Variants in MRPL48 observed in about 807,000 individuals in gnomAD.
MRPL48 encodes the protein mitochondrial ribosomal protein L48.
In MRPL48, 16 loss-of-function variants were observed where a neutral mutation model predicts 32.9. The ratio of observed to expected loss-of-function variants is 0.49; its 90% CI spans 0.33 to 0.74. The LOEUF is 0.74. Among genes scored for constraint, MRPL48 ranks in the 30% least tolerant of loss-of-function variants. The probability of loss-of-function intolerance (pLI) is 0.02; values close to 1 mark genes in which losing one functional copy is unlikely to be tolerated. For missense variants in MRPL48, 206 were observed against 245.3 expected (o/e 0.84, Z 1.07); for synonymous variants, 94 against 89.2 (o/e 1.05, Z -0.31).
intron 1 of MRPL48, among the ~76,000 whole-genome samples, chr11:73,800,960 C>T (rs1007512208): frequency 3.4e-4 from 51 of 151,846 alleles, no homozygotes; most frequent in African/African-American, 1.0e-3. Context: ...TACAGGCATG[C>T]GCCACCACGC....
intron 2 of MRPL48, among the ~76,000 whole-genome samples, chr11:73,806,109 A>ATT (rs61632908): frequency 6.1e-5 from 9 of 148,564 alleles, no homozygotes; most frequent in African/African-American, 1.5e-4. Flanking sequence ...AAGCAGAGTG[A>ATT]TTTTTTTTTT....
At chr11:73,849,338 T>A (rs145315681) in intron 5 of MRPL48, among the ~76,000 whole-genome samples, 1 of 152,272 alleles carries the variant, frequency 6.6e-6, no homozygotes, top group African/African-American at 2.4e-5. Context: ...GGTTTTGCCA[T>A]GTTGGTCAGG....
chr11:73,856,957 C>T (rs1339097684), intron 5 of MRPL48, among the ~76,000 whole-genome samples: 1 of 152,160 alleles, frequency 6.6e-6, no homozygotes, highest in Non-Finnish European at 1.5e-5. Flanking sequence ...AAGGCCTGTT[C>T]TACATCTTGA....
chr11:73,793,266 T>C (rs1947186300), intron 1 of MRPL48, among the ~76,000 whole-genome samples: 1 of 152,200 alleles, frequency 6.6e-6, no homozygotes. Context: ...GGTTTCTCCA[T>C]GTTGGTCAGG....
In MRPL48 at chr11:73,811,621, C is replaced by T. The variant is rs560195854; in HGVS notation, c.112+3271C>T. Among the ~76,000 whole-genome samples, 6 of 152,238 alleles carry T rather than the reference C, an allele frequency of 3.9e-5. No homozygotes were observed. The East Asian group carries it at 5.8e-4, about 15-fold the overall frequency. ...ACAAAAAGATCTATGTTCAAGTCAT[C>T]ATTATTCTCTAGCCTTGGTCTTATC... is the stretch of plus-strand genomic sequence containing the variant. On this transcript the variant is annotated intron_variant, in intron 3 of 7. Coordinates refer to ENST00000310614, the MANE Select transcript of MRPL48 (RefSeq NM_016055.6).
In MRPL48 at chr11:73,796,961, G is replaced by T. The variant is rs180751087; in HGVS notation, c.22-8066G>T. On this transcript the variant is annotated intron_variant, in intron 1 of 7. Coordinates refer to ENST00000310614, the MANE Select transcript of MRPL48 (RefSeq NM_016055.6). ...GGGCGCCTGTAATCCCAGCTACTTA[G>T]GAGGTCGAGGCAGGAGAATCCCTTG... 2.0e-5 allele frequency among the ~76,000 whole-genome samples: 3 copies of T among 152,294 alleles called. No homozygotes were observed. In the East Asian group the frequency reaches 5.8e-4, roughly 29 times the overall value.
intron 2 of MRPL48, 102 bp from the exon 3 acceptor site, chr11:73,808,211 C>T (rs1162090487): frequency 6.9e-6 from 8 of 1,153,024 alleles, no homozygotes; most frequent in African/African-American, 6.2e-5. Flanking sequence ...AGTAAGGAAA[C>T]AGCATTGATG....
In MRPL48 at chr11:73,825,662, A is replaced by G. The variant is rs189997913; in HGVS notation, c.113-46A>G. 6 of 1,502,006 alleles carry G rather than the reference A, an allele frequency of 4.0e-6. No individual in the cohort carries two copies. In the East Asian group the frequency reaches 1.5e-4, roughly 37 times the overall value. 93.0% of individuals were successfully genotyped at this position (1,502,006 alleles called of 1,614,324 possible). A position where few individuals can be genotyped will look rare whatever the true frequency, so the allele number is the denominator to read the frequency against. On this transcript the variant is annotated intron_variant, in intron 3 of 7. Coordinates refer to ENST00000310614, the MANE Select transcript of MRPL48 (RefSeq NM_016055.6). ...CCCTGTCTCTTAAAAAACAACGATA[A>G]TAGCAACAACAAAAAAACAGGTTTG...
intron 3 of MRPL48, among the ~76,000 whole-genome samples, chr11:73,811,347 A>G (rs1947562598): frequency 6.6e-6 from 1 of 152,142 alleles, no homozygotes; most frequent in Non-Finnish European, 1.5e-5. Context: ...AAGAGTTAGG[A>G]AAAAAATGAC....
At chr11:73,863,629 G>A (rs953894165) in intron 7 of MRPL48, among the ~76,000 whole-genome samples, 2 of 152,192 alleles carry the variant, frequency 1.3e-5, no homozygotes, top group Non-Finnish European at 2.9e-5. Flanking sequence ...TAGAGAAAAG[G>A]TTCCTGGATC....
Position 73,864,410 on chromosome 11 carries a change from G to C in MRPL48, c.*40G>C. ...TTCATGCCAGCAGTGGTCATATTGAGTGCCAAAGAGAAGAGCTTACTGGGT... is the reference window on the plus strand; with the variant it reads ...TTCATGCCAGCAGTGGTCATATTGACTGCCAAAGAGAAGAGCTTACTGGGT... On this transcript the variant is annotated 3_prime_UTR_variant, in exon 8 of 8. Coordinates refer to ENST00000310614, the MANE Select transcript of MRPL48 (RefSeq NM_016055.6). The C allele has an allele frequency of 6.2e-7, 1 of 1,602,298 alleles. No individual in the cohort carries two copies. The highest frequency in any genetic ancestry group is 8.5e-7 in the Non-Finnish European group (1 of 1,171,380).
chr11:73,841,339 T>G (rs1159401137), intron 4 of MRPL48, among the ~76,000 whole-genome samples: 1 of 152,212 alleles, frequency 6.6e-6, no homozygotes, highest in African/African-American at 2.4e-5. Context: ...AGATACATAC[T>G]AGAACATTGG....
intron 2 of MRPL48, 137 bp downstream of exon 2, chr11:73,805,216 C>G: frequency 1.5e-6 from 1 of 664,032 alleles, no homozygotes; most frequent in Non-Finnish European, 2.5e-6. Context: ...TTGCTCCTTC[C>G]CCATTCTCAG....
chr11:73,854,483 C>T (rs1274871100), intron 5 of MRPL48, among the ~76,000 whole-genome samples: 1 of 152,126 alleles, frequency 6.6e-6, no homozygotes, highest in Non-Finnish European at 1.5e-5. Context: ...GATGGGGTTT[C>T]ACTATGTTGG....
intron 1 of MRPL48, among the ~76,000 whole-genome samples, chr11:73,800,174 C>A (rs1947332050): frequency 6.6e-6 from 1 of 151,034 alleles, no homozygotes; most frequent in South Asian, 2.1e-4. Flanking sequence ...TTTGGGAGGC[C>A]AAGGCAGGAA....
intron 3 of MRPL48, 96 bp from the exon 4 acceptor site, chr11:73,825,612 T>C: frequency 9.1e-7 from 1 of 1,093,310 alleles, no homozygotes; most frequent in Non-Finnish European, 1.3e-6. Context: ...TGGCATTACA[T>C]CCCAGCTTGG....
At chr11:73,788,061 G>GGTGCAGAGAGGGGAGATGGCGGAA in intron 1 of MRPL48, 69 bp downstream of exon 1, 2 of 1,225,874 alleles carry the variant, frequency 1.6e-6, no homozygotes, top group East Asian at 5.5e-5. Context: ...AGATGGCGGA[G>GGTGCAGAGAGGGGAGATGGCGGAA]GGTGCAGAGC....
intron 5 of MRPL48, among the ~76,000 whole-genome samples, chr11:73,858,343 C>T (rs1948521614): frequency 6.6e-6 from 1 of 152,208 alleles, no homozygotes; most frequent in South Asian, 2.1e-4. Context: ...ATTACAACAA[C>T]TCTGTGAATT....
At position 73,808,321 on chromosome 11, in the gene MRPL48, C is replaced by T. The variant is rs1947497408; in HGVS notation, c.83C>T (p.Thr28Ile). 6.2e-7 allele frequency: 1 copy of T among 1,607,734 alleles called. No individual in the cohort carries two copies. The highest frequency in any genetic ancestry group is 1.3e-5 in the African/African-American group (1 of 74,876). Residue 28 changes from threonine (T) to isoleucine (I), a missense_variant, in exon 3 of 8, where the codon ACT becomes ATT. Thr to Ile is a moderately conservative substitution (Grantham distance 89). Transcript: ENST00000310614. Reference protein sequence around the residue: ...KQAFSLLRFRTSGEKPIYSVG... With the variant: ...KQAFSLLRFRISGEKPIYSVG... ...TTTCTCCCTCCTTTTAGGTTTAGAA[C>T]TTCAGGAGAGAAGCCCATCTATTCT...
Sources: allele counts gnomAD v4.1 joint callset (sites outside exome capture counted in the v4.1 genomes callset), GRCh38; gene constraint gnomAD v4.1.1; transcripts MANE v1.5; gene names NCBI Gene and HGNC (gene_info 2026-07-23, HGNC 2026-07-21).